IPO7: variants seen among roughly 807,000 people sequenced by gnomAD.
The protein encoded by IPO7 is importin-7.
Under a neutral mutation model 136.4 loss-of-function variants are expected in IPO7, and 13 were observed. That is an observed-to-expected ratio of 0.10 (90% CI 0.06 to 0.15). The LOEUF (loss-of-function observed/expected upper bound fraction) is 0.15, where lower values mean the gene tolerates loss of function less well. Among genes scored for constraint, IPO7 ranks in the 10% least tolerant of loss-of-function variants. IPO7 has a pLI of 1.00. For missense variants in IPO7, 857 were observed against 1,240.6 expected (o/e 0.69, Z 4.65); for synonymous variants, 403 against 404.4 (o/e 1.00, Z 0.04).
At chr11:9,394,176 C>T (rs958012137) in intron 1 of IPO7, among the ~76,000 whole-genome samples, 2 of 152,130 alleles carry the variant, frequency 1.3e-5, no homozygotes, top group African/African-American at 4.8e-5. Context: ...CGCCCCCAGC[C>T]TTTTAATTTT....
At chr11:9,436,545 G>A (rs1469886829) in intron 20 of IPO7, among the ~76,000 whole-genome samples, 179 bp downstream of exon 20, 2 of 151,938 alleles carry the variant, frequency 1.3e-5, no homozygotes, top group Non-Finnish European at 2.9e-5. Flanking sequence ...TATGTTTAAT[G>A]TACAGGAATT....
At position 9,420,381 on chromosome 11, in the gene IPO7, C is replaced by A. The variant is rs898586181; in HGVS notation, c.727-30C>A. ...TGCTGTTCCTCCTATATTGTATTATCTCTATCATTAAATAAGTGTCTTTTT... is the reference window on the plus strand; with the variant it reads ...TGCTGTTCCTCCTATATTGTATTATATCTATCATTAAATAAGTGTCTTTTT... On this transcript the variant is annotated intron_variant, in intron 6 of 24. Coordinates refer to ENST00000379719, the MANE Select transcript of IPO7 (RefSeq NM_006391.3). The A allele has an allele frequency of 6.6e-6, 9 of 1,368,190 alleles. No homozygotes were observed. The African/African-American group carries it at 1.1e-4, about 17-fold the overall frequency. 84.8% of individuals were successfully genotyped at this position (1,368,190 alleles called of 1,614,324 possible).
chr11:9,423,967 C>G, intron 10 of IPO7, 91 bp downstream of exon 10: 1 of 687,036 alleles, frequency 1.5e-6, no homozygotes, highest in Non-Finnish European at 2.5e-6. Context: ...TATTATGTAT[C>G]TTCTTTGTTG....
intron 6 of IPO7, among the ~76,000 whole-genome samples, chr11:9,418,567 A>C (rs1264851694): frequency 6.6e-6 from 1 of 152,232 alleles, no homozygotes; most frequent in African/African-American, 2.4e-5. Flanking sequence ...AGGTTTATGA[A>C]CAATGCAGAA....
chr11:9,439,943 G>T (rs1855438263), intron 22 of IPO7, among the ~76,000 whole-genome samples: 1 of 152,086 alleles, frequency 6.6e-6, no homozygotes, highest in Non-Finnish European at 1.5e-5. Context: ...AAATTTATTG[G>T]AGACATCCAT....
intron 2 of IPO7, among the ~76,000 whole-genome samples, chr11:9,407,697 A>G (rs914578268): frequency 2.6e-5 from 4 of 152,220 alleles, no homozygotes; most frequent in South Asian, 2.1e-4. Flanking sequence ...TCAAATAAGT[A>G]CAGGACTTGA....
chr11:9,435,059 A>G (rs572850364), intron 19 of IPO7, 28 bp downstream of exon 19: 8 of 1,284,216 alleles, frequency 6.2e-6, no homozygotes, highest in South Asian at 6.0e-5. Flanking sequence ...ATCAGATTTC[A>G]TGAGGCTTCT....
chr11:9,386,243 T>C (rs1854550579), intron 1 of IPO7, among the ~76,000 whole-genome samples: 1 of 152,156 alleles, frequency 6.6e-6, no homozygotes, highest in African/African-American at 2.4e-5. Context: ...ATCATTATTA[T>C]ACCACACAAA....
rs556193420 is a variant in IPO7 at position 9,432,714 on chromosome 11, C to G, written c.1882-856C>G. Among the ~76,000 whole-genome samples the G allele has an allele frequency of 9.9e-5, 15 of 152,160 alleles. No individual in the cohort carries two copies. In the South Asian group the frequency reaches 3.1e-3, roughly 32 times the overall value. Reference sequence around the variant, plus strand: ...TCCTCCCCTTAACATTCTTATGGCCCTCAGGGATTTGGGATCTAATTTAGG... The same window carrying G: ...TCCTCCCCTTAACATTCTTATGGCCGTCAGGGATTTGGGATCTAATTTAGG... On this transcript the variant is annotated intron_variant, in intron 16 of 24. Transcript: ENST00000379719.
rs942567270 is a variant in IPO7 at position 9,446,130 on chromosome 11, T to C, written c.*936T>C. The C allele has an allele frequency of 6.6e-5, 10 of 152,334 alleles. No homozygotes were observed. Among genetic ancestry groups the C allele is most frequent in the Non-Finnish European group, 1.5e-4 (10 of 68,034 alleles). The allele number at this position is 152,334 out of a possible 1,614,324, so 9.4% of individuals were successfully genotyped here. A position where few individuals can be genotyped will look rare whatever the true frequency, so the allele number is the denominator to read the frequency against. On this transcript the variant is annotated 3_prime_UTR_variant, in exon 25 of 25. Coordinates refer to ENST00000379719, the MANE Select transcript of IPO7 (RefSeq NM_006391.3). The stretch of plus-strand genomic sequence containing the variant: ...AATAAAAAAGGTGGTATCTAGAGCA[T>C]GTAAATTGGATATAAAGTTCTGCTC...
At chr11:9,425,318 A>C in intron 12 of IPO7, 56 bp downstream of exon 12, 1 of 1,055,508 alleles carries the variant, frequency 9.5e-7, no homozygotes, top group Non-Finnish European at 1.5e-6. Context: ...TAAAAAATAA[A>C]TAGCCAGCCA....
In IPO7 at chr11:9,432,989, G is replaced by GTTTTTTTTTTTTTTTTTTT. The variant is rs397953468; in HGVS notation, c.1882-565_1882-564insTTTTTTTTTTTTTTTTTTT. The GTTTTTTTTTTTTTTTTTTT allele has an allele frequency of 8.0e-4, 99 of 123,224 alleles. 3 individuals are homozygous for GTTTTTTTTTTTTTTTTTTT. Among genetic ancestry groups the GTTTTTTTTTTTTTTTTTTT allele is most frequent in the African/African-American group, 2.5e-3 (85 of 34,330 alleles). The allele number at this position is 123,224 out of a possible 1,614,324, so 7.6% of individuals were successfully genotyped here. A position where few individuals can be genotyped will look rare whatever the true frequency, so the allele number is the denominator to read the frequency against. On this transcript the variant is annotated intron_variant, in intron 16 of 24. Coordinates refer to ENST00000379719, the MANE Select transcript of IPO7 (RefSeq NM_006391.3). Reference sequence around the variant, plus strand: ...TAACAGATGGGCTATCTTCCAAATGGTTTTTTTTTTTTTTTTGAGATGGAG... The same window carrying GTTTTTTTTTTTTTTTTTTT: ...TAACAGATGGGCTATCTTCCAAATGGTTTTTTTTTTTTTTTTTTTTTTTTTTTTTTTTTTTGAGATGGAG...
chr11:9,429,691 C>T lies in IPO7; in HGVS notation c.1609C>T (p.Pro537Ser), dbSNP rs752069165. The change falls in exon 15 of 25, where the codon CCA becomes TCA. Residue 537 changes from proline (P) to serine (S), a missense_variant. Coordinates refer to ENST00000379719, the MANE Select transcript of IPO7 (RefSeq NM_006391.3). ...TCTTACAGCTAAAGAATATATCACA[C>T]CATTCATCAGACCTGTAATGCAGGC... ...NQEKAKEYIT[P>S]FIRPVMQALL... The T allele has an allele frequency of 4.4e-6, 7 of 1,607,506 alleles. No individual in the cohort carries two copies. Among genetic ancestry groups the T allele is most frequent in the Non-Finnish European group, 5.9e-6 (7 of 1,178,544 alleles).
intron 1 of IPO7, among the ~76,000 whole-genome samples, chr11:9,390,647 C>T (rs1001999536): frequency 1.1e-4 from 16 of 152,164 alleles, no homozygotes; most frequent in Admixed American, 7.2e-4. Context: ...AATGATATAG[C>T]TTGTTAAAGA....
intron 1 of IPO7, among the ~76,000 whole-genome samples, chr11:9,396,771 C>CGAATAGCATTCTATT (rs1564991778): frequency 6.6e-6 from 1 of 152,030 alleles, no homozygotes; most frequent in East Asian, 1.9e-4. Flanking sequence ...TTTAAATTGC[C>CGAATAGCATTCTATT]GAATAGCATT....
chr11:9,384,787 G>C lies in IPO7; in HGVS notation c.24G>C (p.Glu8Asp). The C allele has an allele frequency of 6.2e-7, 1 of 1,607,132 alleles. No homozygotes were observed. Among genetic ancestry groups the C allele is most frequent in the Non-Finnish European group, 8.5e-7 (1 of 1,176,992 alleles). Residue 8 changes from glutamate (E) to aspartate (D), a missense_variant, in exon 1 of 25, where the codon GAG becomes GAC. Glu to Asp is a conservative substitution (Grantham distance 45, BLOSUM62 2). This residue lies in a region of IPO7 where 49 missense variants were observed against 59.9 expected (regional missense o/e 0.82). Coordinates refer to ENST00000379719, the MANE Select transcript of IPO7 (RefSeq NM_006391.3). ...CGATGGACCCCAACACCATTATCGA[G>C]GCCCTGCGGGGCACTATGGACCCAG... is the stretch of plus-strand genomic sequence containing the variant. MDPNTII[E>D]ALRGTMDPAL...
intron 5 of IPO7, among the ~76,000 whole-genome samples, chr11:9,416,220 C>G (rs182870626): frequency 2.6e-5 from 4 of 152,292 alleles, no homozygotes; most frequent in African/African-American, 4.8e-5. Flanking sequence ...TAAGACTGTA[C>G]TTGCCTAACT....
chr11:9,422,114 T>C (rs1855141236), intron 8 of IPO7, among the ~76,000 whole-genome samples: 2 of 151,932 alleles, frequency 1.3e-5, no homozygotes, highest in Non-Finnish European at 2.9e-5. Flanking sequence ...ATCCTGTCTG[T>C]ACTAAAAATA....
chr11:9,412,459 A>G (rs1321755870), intron 4 of IPO7, among the ~76,000 whole-genome samples: 1 of 152,226 alleles, frequency 6.6e-6, no homozygotes, highest in Admixed American at 6.5e-5. Context: ...GGCTCTTAGA[A>G]TAATGATTTC....
Sources: allele counts gnomAD v4.1 joint callset (sites outside exome capture counted in the v4.1 genomes callset), GRCh38; gene constraint gnomAD v4.1.1; regional missense constraint gnomAD v4.1.1; transcripts MANE v1.5; gene names NCBI Gene and HGNC (gene_info 2026-07-23, HGNC 2026-07-21).